Variants in CSMD1 observed in about 807,000 individuals in gnomAD.
The protein encoded by CSMD1 is CUB and Sushi multiple domains 1.
In CSMD1, 213 loss-of-function variants were observed where a neutral mutation model predicts 417.5. That is an observed-to-expected ratio of 0.51 (90% CI 0.46 to 0.57). The LOEUF is 0.57. Ranked by LOEUF, CSMD1 falls within the 20% of genes least tolerant of loss-of-function variation. The pLI is 0.00. For missense variants in CSMD1, 6,923 were observed against 4,529.7 expected (o/e 1.53, Z -15.17); for synonymous variants, 2,862 against 1,736.8 (o/e 1.65, Z -16.11).
chr8:4,827,848 G>A (rs1295108670), intron 1 of CSMD1, among the ~76,000 whole-genome samples: 2 of 152,074 alleles, frequency 1.3e-5, no homozygotes, highest in Non-Finnish European at 2.9e-5. Flanking sequence ...TAAATTCTTA[G>A]TTTACTTGCC....
At chr8:4,208,491 C>G (rs901617774) in intron 3 of CSMD1, among the ~76,000 whole-genome samples, 1 of 152,082 alleles carries the variant, frequency 6.6e-6, no homozygotes, top group African/African-American at 2.4e-5. Context: ...CATCTGCGTT[C>G]TGTAGTTTAT....
At chr8:4,904,310 A>C (rs982261202) in intron 1 of CSMD1, among the ~76,000 whole-genome samples, 1 of 152,266 alleles carries the variant, frequency 6.6e-6, no homozygotes. Flanking sequence ...TTCCCATTAA[A>C]AAATCAATAA....
intron 2 of CSMD1, 94 bp from the exon 3 acceptor site, chr8:4,420,159 G>A (rs1797167389): frequency 2.6e-6 from 2 of 759,430 alleles, no homozygotes; most frequent in African/African-American, 3.5e-5. Flanking sequence ...TTGAACAGTG[G>A]TATATTCACT....
At chr8:2,960,099 G>T (rs1358761724) in intron 62 of CSMD1, among the ~76,000 whole-genome samples, 4 of 152,194 alleles carry the variant, frequency 2.6e-5, no homozygotes, top group Non-Finnish European at 5.9e-5. Context: ...AAGCAATGGT[G>T]ATCAAAATTT....
chr8:3,564,087 G>C lies in CSMD1; in HGVS notation c.1344+10858C>G, dbSNP rs138191199. On this transcript the variant is annotated intron_variant, in intron 10 of 69. Coordinates refer to ENST00000635120, the MANE Select transcript of CSMD1 (RefSeq NM_033225.6). ...TTGGTACATGTATATGATGCATAATGACCAAACAGTGTAACAGGAATACTC... is the reference window on the plus strand; with the variant it reads ...TTGGTACATGTATATGATGCATAATCACCAAACAGTGTAACAGGAATACTC... 1.2e-4 allele frequency among the ~76,000 whole-genome samples: 19 copies of C among 152,254 alleles called. No homozygotes were observed. In the East Asian group the frequency reaches 3.7e-3, roughly 29 times the overall value.
chr8:3,275,427 G>A (rs1367138916), intron 26 of CSMD1, among the ~76,000 whole-genome samples: 1 of 152,000 alleles, frequency 6.6e-6, no homozygotes, highest in Non-Finnish European at 1.5e-5. Flanking sequence ...TCTTCTCGAG[G>A]AGTATCTTTG....
intron 3 of CSMD1, among the ~76,000 whole-genome samples, chr8:4,395,400 C>T (rs1014101700): frequency 6.6e-6 from 1 of 151,908 alleles, no homozygotes; most frequent in Non-Finnish European, 1.5e-5. Flanking sequence ...AGCCAGGCTC[C>T]AGAAGCGCTA....
chr8:4,690,894 A>T (rs143192977), intron 1 of CSMD1, among the ~76,000 whole-genome samples: 288 of 152,168 alleles, frequency 1.9e-3, no homozygotes, highest in African/African-American at 6.7e-3. Context: ...ATGCCCGGCT[A>T]ATTTTTCTAT....
chr8:4,633,138 T>C (rs1259070690), intron 2 of CSMD1, among the ~76,000 whole-genome samples: 1 of 152,194 alleles, frequency 6.6e-6, no homozygotes, highest in Non-Finnish European at 1.5e-5. Flanking sequence ...TTGGTCTATG[T>C]GAACGCTCAG....
chr8:3,753,045 T>A (rs940711906), intron 6 of CSMD1, among the ~76,000 whole-genome samples: 4 of 152,200 alleles, frequency 2.6e-5, no homozygotes, highest in Admixed American at 6.5e-5. Context: ...CTCCGTGACC[T>A]GCTAGTTCCT....
At position 3,343,334 on chromosome 8, in the gene CSMD1, A is replaced by G. The variant is rs760993373; in HGVS notation, c.3591T>C (p.Asn1197=). Residue 1197 remains asparagine (N), a synonymous_variant, in exon 23 of 70, where the codon AAT becomes AAC. Coordinates refer to ENST00000635120, the MANE Select transcript of CSMD1 (RefSeq NM_033225.6). ...GAAAACCTTGGTCGGTGTCAGATCC[A>G]TTGGTGTTGAACTCTAGCCACAGGT... The part of the protein sequence containing the change: ...SNHLWLEFNT[N]GSDTDQGFQL... The G allele has an allele frequency of 3.1e-6, 5 of 1,613,706 alleles. No homozygotes were observed. Among genetic ancestry groups the G allele is most frequent in the South Asian group, 1.1e-5 (1 of 91,090 alleles).
rs558534217 is a variant in CSMD1, at chr8:3,540,928, G to A, written c.1344+34017C>T. 3.3e-5 allele frequency among the ~76,000 whole-genome samples: 5 copies of A among 152,342 alleles called. No individual in the cohort carries two copies. The East Asian group carries it at 9.6e-4, about 29-fold the overall frequency. On this transcript the variant is annotated intron_variant, in intron 10 of 69. Coordinates refer to ENST00000635120, the MANE Select transcript of CSMD1 (RefSeq NM_033225.6). ...AAACAGAAACTCTTTTACACTGTTG[G>A]TGGGAATGTAACTTAGTTCAACCAT...
rs1423678103 is a variant in CSMD1 at position 3,376,736 on chromosome 8, C to T, written c.2783-7366G>A. On this transcript the variant is annotated intron_variant, in intron 18 of 69. Coordinates refer to ENST00000635120, the MANE Select transcript of CSMD1 (RefSeq NM_033225.6). The stretch of plus-strand genomic sequence containing the variant: ...AAAAACACACTGAACTGATGCTATG[C>T]ACCCAGCACAGACACTGAGTTTATC... 2.6e-5 allele frequency among the ~76,000 whole-genome samples: 4 copies of T among 152,190 alleles called. 1 individual carries two copies. The South Asian group carries it at 8.3e-4, about 32-fold the overall frequency.
Position 3,637,650 on chromosome 8 carries a change from A to C in CSMD1, c.1010-20853T>G, listed in dbSNP as rs183025626. Among the ~76,000 whole-genome samples the C allele has an allele frequency of 9.7e-4, 148 of 152,308 alleles. 1 individual carries two copies. Among genetic ancestry groups the C allele is most frequent in the Admixed American group, 9.0e-3 (137 of 15,298 alleles). ...TTGGCACTATTAAAGTCTATGATTC[A>C]ATCCCCCCAACAATCATATGAAACA... On this transcript the variant is annotated intron_variant, in intron 7 of 69. Transcript: ENST00000635120.
intron 1 of CSMD1, among the ~76,000 whole-genome samples, chr8:4,948,211 G>T (rs934259827): frequency 9.9e-5 from 15 of 151,876 alleles, no homozygotes; most frequent in South Asian, 4.1e-4. Flanking sequence ...TAATATATAC[G>T]AGTTTAGTAG....
intron 56 of CSMD1, among the ~76,000 whole-genome samples, chr8:2,973,808 G>T (rs1286251746): frequency 6.6e-6 from 1 of 152,110 alleles, no homozygotes; most frequent in African/African-American, 2.4e-5. Flanking sequence ...GGACCCATGC[G>T]GTTAATGGTG....
chr8:3,798,310 G>C (rs553382807), intron 5 of CSMD1, among the ~76,000 whole-genome samples: 2 of 151,746 alleles, frequency 1.3e-5, no homozygotes, highest in South Asian at 4.2e-4. Context: ...TTAGTGCTTC[G>C]TCTATCTTAA....
rs1005861128 is a variant in CSMD1 at position 3,650,454 on chromosome 8, G to T, written c.1010-33657C>A. On this transcript the variant is annotated intron_variant, in intron 7 of 69. Transcript: ENST00000635120. ...ACTATGAATAGGAAAACTCATCGAA[G>T]AACTCATCATGCTCTAGGACTAAAT... is the stretch of plus-strand genomic sequence containing the variant. Among the ~76,000 whole-genome samples, 3 of 152,148 alleles carry T rather than the reference G, an allele frequency of 2.0e-5. No homozygotes were observed. In the South Asian group the frequency reaches 6.2e-4, roughly 32 times the overall value.
rs1388948739 is a variant in CSMD1 at position 4,994,539 on chromosome 8, C to G, written c.-123G>C. ...CGGAGAGAGAGCCCGGTCCCAAGAC[C>G]CGCCGCGCATCCGACGCCTCCTGAA... is the stretch of plus-strand genomic sequence containing the variant. On this transcript the variant is annotated 5_prime_UTR_variant, in exon 1 of 70. Coordinates refer to ENST00000635120, the MANE Select transcript of CSMD1 (RefSeq NM_033225.6). 2.3e-6 allele frequency: 2 copies of G among 856,934 alleles called. No individual in the cohort carries two copies. Among genetic ancestry groups the G allele is most frequent in the African/African-American group, 3.3e-5 (2 of 59,906 alleles). 53.1% of individuals were successfully genotyped at this position (856,934 alleles called of 1,614,324 possible). A position where few individuals can be genotyped will look rare whatever the true frequency, so the allele number is the denominator to read the frequency against.
Sources: allele counts gnomAD v4.1 joint callset (sites outside exome capture counted in the v4.1 genomes callset), GRCh38; gene constraint gnomAD v4.1.1; transcripts MANE v1.5; gene names NCBI Gene and HGNC (gene_info 2026-07-23, HGNC 2026-07-21).